LRRTM4: variants seen among roughly 807,000 people sequenced by gnomAD.
LRRTM4 encodes the protein leucine rich repeat transmembrane neuronal 4.
A neutral mutation model predicts 47.6 loss-of-function variants in LRRTM4; 25 were observed. The observed-to-expected ratio is 0.53, with a 90% CI of 0.38 to 0.73. LRRTM4 has a LOEUF of 0.73. Among genes scored for constraint, LRRTM4 ranks in the 30% least tolerant of loss-of-function variants. The probability of loss-of-function intolerance (pLI) is 0.00; values close to 1 mark genes in which losing one functional copy is unlikely to be tolerated. For synonymous variants in LRRTM4, 311 were observed against 269.5 expected (o/e 1.15, Z -1.51); for missense variants, 638 against 713.4 (o/e 0.89, Z 1.20).
At chr2:77,455,739 C>T (rs1423125106) in intron 3 of LRRTM4, among the ~76,000 whole-genome samples, 1 of 152,086 alleles carries the variant, frequency 6.6e-6, no homozygotes, top group African/African-American at 2.4e-5. Context: ...CCCAGAACCT[C>T]TATACGCCAA....
Position 76,942,676 on chromosome 2 carries a change from C to CTGTGTGTGTGTGTG in LRRTM4, c.1552-193774_1552-193761dup, listed in dbSNP as rs61077287. 4.7e-3 allele frequency among the ~76,000 whole-genome samples: 704 copies of CTGTGTGTGTGTGTG among 148,302 alleles called. 7 individuals are homozygous for CTGTGTGTGTGTGTG. Among genetic ancestry groups the CTGTGTGTGTGTGTG allele is most frequent in the African/African-American group, 0.015 (600 of 40,220 alleles). On this transcript the variant is annotated intron_variant, in intron 3 of 3. Coordinates refer to ENST00000409884, the MANE Select transcript of LRRTM4 (RefSeq NM_001134745.3). The stretch of plus-strand genomic sequence containing the variant: ...GGTCAAGTAACCAACCTCTAGGAAT[C>CTGTGTGTGTGTGTG]TGTGTGTGTGTGTGTGTGTGTGTGT...
intron 3 of LRRTM4, among the ~76,000 whole-genome samples, chr2:77,050,441 C>A (rs996848243): frequency 1.3e-5 from 2 of 152,074 alleles, no homozygotes; most frequent in African/African-American, 2.4e-5. Flanking sequence ...AATAGCATAT[C>A]GGTTTACCAT....
At chr2:77,342,042 A>T (rs1228775137) in intron 3 of LRRTM4, among the ~76,000 whole-genome samples, 1 of 151,954 alleles carries the variant, frequency 6.6e-6, no homozygotes, top group East Asian at 1.9e-4. Context: ...AATTTGGGTA[A>T]GTTTTATTAC....
At chr2:76,919,390 C>T (rs1449377490) in intron 3 of LRRTM4, among the ~76,000 whole-genome samples, 1 of 152,108 alleles carries the variant, frequency 6.6e-6, no homozygotes, top group Non-Finnish European at 1.5e-5. Context: ...AAAAATGAGG[C>T]AGAATATTCC....
At chr2:77,178,069 A>G (rs1308610997) in intron 3 of LRRTM4, among the ~76,000 whole-genome samples, 1 of 152,218 alleles carries the variant, frequency 6.6e-6, no homozygotes, top group Non-Finnish European at 1.5e-5. Flanking sequence ...CCTGACATAC[A>G]GCAAGTGCTC....
At position 77,386,868 on chromosome 2, in the gene LRRTM4, T is replaced by C. The variant is rs183205954; in HGVS notation, c.1551+131450A>G. 2.6e-3 allele frequency among the ~76,000 whole-genome samples: 399 copies of C among 152,120 alleles called. 1 individual carries two copies. Among genetic ancestry groups the C allele is most frequent in the African/African-American group, 9.2e-3 (382 of 41,514 alleles). On this transcript the variant is annotated intron_variant, in intron 3 of 3. Coordinates refer to ENST00000409884, the MANE Select transcript of LRRTM4 (RefSeq NM_001134745.3). ...GCTTAGAACCTAGCTGTTGGGTTGA[T>C]AGTGCAGCAAACCACCGTGGCACAT...
chr2:76,911,938 G>GTT (rs1558733700), intron 3 of LRRTM4, among the ~76,000 whole-genome samples: 1 of 48,804 alleles, frequency 2.0e-5, no homozygotes, highest in African/African-American at 9.6e-5. Context: ...TGCTTTTTGG[G>GTT]GGGGGGGGGG....
intron 3 of LRRTM4, among the ~76,000 whole-genome samples, chr2:77,242,602 C>A (rs1675299882): frequency 6.6e-6 from 1 of 151,896 alleles, no homozygotes; most frequent in Non-Finnish European, 1.5e-5. Context: ...TAAATCAAAA[C>A]CACAATGAGA....
chr2:77,362,115 GAGAAAGAAAGAAAGAA>G (rs1230993221), intron 3 of LRRTM4, among the ~76,000 whole-genome samples: 40 of 98,836 alleles, frequency 4.0e-4, no homozygotes, highest in African/African-American at 1.1e-3. Context: ...GAAAGAAAGA[GAGAAAGAAAGAAAGAA>G]AGAAAGAAAG....
At chr2:77,070,652 C>T (rs1475010040) in intron 3 of LRRTM4, among the ~76,000 whole-genome samples, 2 of 151,952 alleles carry the variant, frequency 1.3e-5, no homozygotes, top group African/African-American at 4.8e-5. Context: ...TGTTTTGAGA[C>T]AGAGTTTTGC....
chr2:76,760,280 G>C (rs1673206013), intron 3 of LRRTM4, among the ~76,000 whole-genome samples: 1 of 152,126 alleles, frequency 6.6e-6, no homozygotes, highest in Non-Finnish European at 1.5e-5. Context: ...AAAGATATTA[G>C]AATGACTAAA....
intron 3 of LRRTM4, among the ~76,000 whole-genome samples, chr2:77,409,288 A>C (rs1197942224): frequency 1.3e-5 from 2 of 152,166 alleles, no homozygotes; most frequent in African/African-American, 4.8e-5. Context: ...TAAAGTGTAC[A>C]GAACGGAATT....
intron 3 of LRRTM4, among the ~76,000 whole-genome samples, chr2:77,406,674 G>A (rs1305255748): frequency 6.6e-6 from 1 of 152,068 alleles, no homozygotes; most frequent in African/African-American, 2.4e-5. Context: ...TAATATAGGT[G>A]TTACTATTAT....
intron 3 of LRRTM4, among the ~76,000 whole-genome samples, chr2:77,319,228 A>C (rs942324913): frequency 6.6e-6 from 1 of 152,108 alleles, no homozygotes; most frequent in African/African-American, 2.4e-5. Context: ...TCTACTAAAA[A>C]TACAAAAAAT....
At chr2:77,428,399 G>C (rs1167580569) in intron 3 of LRRTM4, among the ~76,000 whole-genome samples, 1 of 152,142 alleles carries the variant, frequency 6.6e-6, no homozygotes, top group Non-Finnish European at 1.5e-5. Flanking sequence ...TTACATAAAT[G>C]TAACTTTTTG....
intron 3 of LRRTM4, among the ~76,000 whole-genome samples, chr2:76,960,709 C>A (rs1013984515): frequency 6.6e-6 from 1 of 151,400 alleles, no homozygotes; most frequent in African/African-American, 2.4e-5. Context: ...AAGTTTTGAA[C>A]CTTATTGTCA....
At chr2:77,009,106 T>A (rs1419733477) in intron 3 of LRRTM4, 6 of 152,166 alleles carry the variant, frequency 3.9e-5, no homozygotes, top group Admixed American at 6.6e-5. Context: ...TTGGCACCAA[T>A]GAAAAAGTTT....
chr2:77,236,767 C>A (rs1196406830), intron 3 of LRRTM4, among the ~76,000 whole-genome samples: 1 of 152,052 alleles, frequency 6.6e-6, no homozygotes, highest in South Asian at 2.1e-4. Context: ...TTTTCTGCAT[C>A]TGTTGACATG....
intron 3 of LRRTM4, among the ~76,000 whole-genome samples, chr2:77,077,530 G>A (rs1572932349): frequency 6.6e-6 from 1 of 152,130 alleles, no homozygotes; most frequent in Non-Finnish European, 1.5e-5. Flanking sequence ...ACTGCCTGTA[G>A]AGCATGGTGG....
Sources: allele counts gnomAD v4.1 joint callset (sites outside exome capture counted in the v4.1 genomes callset), GRCh38; gene constraint gnomAD v4.1.1; transcripts MANE v1.5; gene names NCBI Gene and HGNC (gene_info 2026-07-23, HGNC 2026-07-21).